DPP6: variants seen among roughly 807,000 people sequenced by gnomAD.
DPP6 encodes the protein A-type potassium channel modulatory protein DPP6.
A neutral mutation model predicts 122.6 loss-of-function variants in DPP6; 69 were observed. The observed-to-expected ratio is 0.56, with a 90% CI of 0.46 to 0.69. DPP6 has a LOEUF of 0.69. DPP6 is among the 30% of genes least tolerant of loss of function. DPP6 has a pLI of 0.00. For missense variants in DPP6, 928 were observed against 1,116.9 expected (o/e 0.83, Z 2.41); for synonymous variants, 418 against 433.1 (o/e 0.97, Z 0.43).
intron 2 of DPP6, among the ~76,000 whole-genome samples, chr7:154,459,434 G>A (rs7791484): frequency 0.33 from 50,379 of 152,066 alleles, 9,802 homozygotes; most frequent in Non-Finnish European, 0.43. Context: ...GACACATACC[G>A]ATTCAGGCTC....
chr7:154,523,750 G>A (rs1260455775), intron 3 of DPP6, among the ~76,000 whole-genome samples: 1 of 152,150 alleles, frequency 6.6e-6, no homozygotes, highest in African/African-American at 2.4e-5. Context: ...TTGACTGATT[G>A]CTTTCTTGTG....
intron 1 of DPP6, among the ~76,000 whole-genome samples, chr7:154,249,042 G>A (rs1419422931): frequency 6.6e-6 from 1 of 152,198 alleles, no homozygotes; most frequent in Admixed American, 6.5e-5. Flanking sequence ...GCTATGAATA[G>A]GGTAGCTGTA....
chr7:154,594,699 C>T (rs1383148223), intron 5 of DPP6, among the ~76,000 whole-genome samples: 2 of 152,188 alleles, frequency 1.3e-5, no homozygotes, highest in Admixed American at 6.5e-5. Context: ...TCCCTCCGCC[C>T]TTGGCACACA....
chr7:154,265,949 T>C (rs1803392909), intron 1 of DPP6, among the ~76,000 whole-genome samples: 1 of 152,030 alleles, frequency 6.6e-6, no homozygotes, highest in South Asian at 2.1e-4. Flanking sequence ...AACTGCACAG[T>C]CTAGAAATAA....
intron 1 of DPP6, among the ~76,000 whole-genome samples, chr7:154,267,706 C>T (rs1803523719): frequency 7.3e-6 from 1 of 136,990 alleles, no homozygotes; most frequent in South Asian, 2.4e-4. Context: ...CACATATACA[C>T]ACGTATATGC....
Position 154,837,831 on chromosome 7 carries a change from C to T in DPP6, c.1667-15949C>T, listed in dbSNP as rs1418969511. Among the ~76,000 whole-genome samples the T allele has an allele frequency of 1.4e-4, 21 of 152,166 alleles. 1 individual carries two copies. Among genetic ancestry groups the T allele is most frequent in the Non-Finnish European group, 3.1e-4 (21 of 68,024 alleles). On this transcript the variant is annotated intron_variant, in intron 16 of 25. Transcript: ENST00000377770. The stretch of plus-strand genomic sequence containing the variant: ...GTATCATTGCTCATTTCTTTCCTTT[C>T]CCCAGTATTGGTGAGGTTTTCTAGA...
chr7:154,107,862 A>T (rs904095121), intron 1 of DPP6, among the ~76,000 whole-genome samples: 1 of 152,156 alleles, frequency 6.6e-6, no homozygotes, highest in Non-Finnish European at 1.5e-5. Flanking sequence ...GCCTGGTGAC[A>T]TCTCAGACTC....
At chr7:153,959,365 C>T (rs1795233291) in intron 1 of DPP6, among the ~76,000 whole-genome samples, 1 of 152,122 alleles carries the variant, frequency 6.6e-6, no homozygotes, top group African/African-American at 2.4e-5. Context: ...CTCTAGGGTC[C>T]ACCTATTTTG....
rs60954480 is a variant in DPP6 at position 153,949,665 on chromosome 7, C to G, written c.51+61931C>G. Among the ~76,000 whole-genome samples, 451 of 152,324 alleles carry G rather than the reference C, an allele frequency of 3.0e-3. 4 individuals carry two copies. Among genetic ancestry groups the G allele is most frequent in the African/African-American group, 9.6e-3 (401 of 41,580 alleles). ...TTTGTTACTAAGCTCTGGACTGTAA[C>G]ACCCCAAACTGCATATGTCCCTGAT... On this transcript the variant is annotated intron_variant, in intron 1 of 25. Transcript: ENST00000404039.
Position 154,750,596 on chromosome 7 carries a change from C to T in DPP6, c.884-18821C>T, listed in dbSNP as rs1043104220. On this transcript the variant is annotated intron_variant, in intron 8 of 25. Coordinates refer to ENST00000377770, the MANE Select transcript of DPP6 (RefSeq NM_130797.4). ...CGCACCGGGCAGAGCTGAAGGGTGG[C>T]GGGGGTCGGCTTCCTCCTCTCTGCC... is the stretch of plus-strand genomic sequence containing the variant. 7.9e-5 allele frequency among the ~76,000 whole-genome samples: 12 copies of T among 152,268 alleles called. 1 individual carries two copies. Among genetic ancestry groups the T allele is most frequent in the Middle Eastern group, 3.4e-3 (1 of 294 alleles).
At chr7:154,586,181 G>A (rs931888698) in intron 5 of DPP6, among the ~76,000 whole-genome samples, 3 of 152,128 alleles carry the variant, frequency 2.0e-5, no homozygotes, top group South Asian at 2.1e-4. Flanking sequence ...CTGATGCCAC[G>A]TGACCAGGTG....
chr7:154,252,390 G>A (rs1802408755), intron 1 of DPP6, among the ~76,000 whole-genome samples: 1 of 152,236 alleles, frequency 6.6e-6, no homozygotes, highest in African/African-American at 2.4e-5. Flanking sequence ...AGGGCATTTG[G>A]TCACTCACCT....
chr7:154,839,607 C>A (rs1486204627), intron 16 of DPP6, among the ~76,000 whole-genome samples: 2 of 152,178 alleles, frequency 1.3e-5, no homozygotes, highest in African/African-American at 4.8e-5. Flanking sequence ...GTTGTTGTTG[C>A]CATTACTGTT....
the DPP6 span, among the ~76,000 whole-genome samples, chr7:153,835,485 T>C: frequency 6.6e-6 from 1 of 152,202 alleles, no homozygotes; most frequent in Non-Finnish European, 1.5e-5. Context: ...GCTTTAGTAT[T>C]AGTTCTATAC....
intron 3 of DPP6, among the ~76,000 whole-genome samples, chr7:154,521,869 C>G (rs1827008008): frequency 6.6e-6 from 1 of 152,164 alleles, no homozygotes; most frequent in Admixed American, 6.5e-5. Context: ...TTTAGGGTTT[C>G]TAAAGCAAAT....
At chr7:154,139,717 A>G (rs1333323033) in intron 1 of DPP6, among the ~76,000 whole-genome samples, 1 of 151,816 alleles carries the variant, frequency 6.6e-6, no homozygotes, top group Non-Finnish European at 1.5e-5. Flanking sequence ...TCTCTTGACT[A>G]CTTTTTACCC....
intron 10 of DPP6, among the ~76,000 whole-genome samples, chr7:154,782,382 G>A (rs1163276871): frequency 6.6e-6 from 1 of 151,986 alleles, no homozygotes; most frequent in Non-Finnish European, 1.5e-5. Flanking sequence ...CTTCATCTTG[G>A]CAGATAGATT....
At chr7:153,769,421 T>C in the DPP6 span, among the ~76,000 whole-genome samples, 2 of 152,288 alleles carry the variant, frequency 1.3e-5, no homozygotes, top group East Asian at 3.9e-4. Flanking sequence ...CCAGTGAAAG[T>C]TACTCAATAT....
intron 1 of DPP6, among the ~76,000 whole-genome samples, chr7:154,416,577 T>A (rs942027252): frequency 7.2e-5 from 11 of 152,172 alleles, no homozygotes; most frequent in Non-Finnish European, 1.5e-5. Context: ...CACTGTATCA[T>A]AGCTATGTAT....
Sources: gnomAD v4.1 joint callset for allele counts (sites outside exome capture counted in the v4.1 genomes callset) on GRCh38, gnomAD v4.1.1 for gene constraint, MANE v1.5 for transcripts, NCBI Gene and HGNC (gene_info 2026-07-23, HGNC 2026-07-21) for gene names.